Variants in MALRD1 observed in about 807,000 individuals in gnomAD.
The protein encoded by MALRD1 is MAM and LDL receptor class A domain containing 1, also known as MAM and LDL-receptor class A domain-containing protein 1.
A neutral mutation model predicts 242.1 loss-of-function variants in MALRD1; 247 were observed. The ratio of observed to expected loss-of-function variants is 1.02; its 90% CI spans 0.92 to 1.13. The LOEUF is 1.13. MALRD1 is among the 50% of genes most tolerant of loss of function. MALRD1 has a pLI of 0.00. For synonymous variants in MALRD1, 995 were observed against 866.6 expected (o/e 1.15, Z -2.60); for missense variants, 2,989 against 2,533.1 (o/e 1.18, Z -3.86).
intron 5 of MALRD1, among the ~76,000 whole-genome samples, chr10:19,113,544 A>C (rs1836757524): frequency 2.9e-5 from 4 of 139,522 alleles, no homozygotes; most frequent in East Asian, 4.2e-4. Flanking sequence ...CTCCTCCTAC[A>C]TTTCTCCTCC....
chr10:19,547,667 C>T (rs1294231271), intron 32 of MALRD1, among the ~76,000 whole-genome samples: 1 of 148,940 alleles, frequency 6.7e-6, no homozygotes, highest in African/African-American at 2.5e-5. Context: ...ATAAAATGTG[C>T]TCGGTGTTGG....
chr10:19,179,112 C>G (rs891537896), intron 14 of MALRD1, among the ~76,000 whole-genome samples: 2 of 152,290 alleles, frequency 1.3e-5, no homozygotes, highest in East Asian at 3.9e-4. Context: ...AAGGATGTAT[C>G]TAGCCAGTCA....
intron 14 of MALRD1, among the ~76,000 whole-genome samples, chr10:19,181,428 A>G (rs1459622641): frequency 6.6e-6 from 1 of 152,228 alleles, no homozygotes; most frequent in Non-Finnish European, 1.5e-5. Flanking sequence ...TCTGGAGGAA[A>G]TTATGCTATG....
chr10:19,356,843 T>G (rs1844657705), intron 26 of MALRD1, among the ~76,000 whole-genome samples: 1 of 152,112 alleles, frequency 6.6e-6, no homozygotes, highest in Non-Finnish European at 1.5e-5. Flanking sequence ...GCACGGTGGC[T>G]CACACCTGTA....
At chr10:19,712,058 G>A (rs1157263612) in intron 38 of MALRD1, among the ~76,000 whole-genome samples, 1 of 152,130 alleles carries the variant, frequency 6.6e-6, no homozygotes, top group Admixed American at 6.6e-5. Flanking sequence ...TATCTTGGAG[G>A]CCTGATGGTT....
At chr10:19,441,292 C>G (rs183855049) in intron 28 of MALRD1, among the ~76,000 whole-genome samples, 23 of 152,208 alleles carry the variant, frequency 1.5e-4, no homozygotes, top group Admixed American at 9.2e-4. Flanking sequence ...CTGTAGATTG[C>G]CTGTTCACTC....
At chr10:19,483,817 C>T (rs745319792) in intron 29 of MALRD1, among the ~76,000 whole-genome samples, 3 of 151,998 alleles carry the variant, frequency 2.0e-5, no homozygotes, top group East Asian at 1.9e-4. Flanking sequence ...AAAAAAGATG[C>T]ATGAATGCAT....
chr10:19,151,600 A>G (rs1286251124), intron 11 of MALRD1, among the ~76,000 whole-genome samples: 1 of 152,116 alleles, frequency 6.6e-6, no homozygotes, highest in African/African-American at 2.4e-5. Flanking sequence ...GACTTGTCTT[A>G]TTTCTCTCTC....
In MALRD1 at chr10:19,485,084, A is replaced by G. The variant is rs185860888; in HGVS notation, c.5030-6433A>G. ...GAAGTAACTCAGGAATGGAAAACCAAATACTGCATGTTCTCACTTAAAAGT... is the reference window on the plus strand; with the variant it reads ...GAAGTAACTCAGGAATGGAAAACCAGATACTGCATGTTCTCACTTAAAAGT... On this transcript the variant is annotated intron_variant, in intron 29 of 39. Coordinates refer to ENST00000454679, the MANE Select transcript of MALRD1 (RefSeq NM_001142308.3). Among the ~76,000 whole-genome samples, 536 of 152,346 alleles carry G rather than the reference A, an allele frequency of 3.5e-3. 3 individuals are homozygous for G. The highest frequency in any genetic ancestry group is 0.011 in the African/African-American group (453 of 41,578).
chr10:19,433,681 A>C (rs1057340360), intron 28 of MALRD1, among the ~76,000 whole-genome samples: 2 of 152,162 alleles, frequency 1.3e-5, no homozygotes, highest in African/African-American at 4.8e-5. Context: ...CATAGCAGAA[A>C]ATGATCATTT....
intron 7 of MALRD1, among the ~76,000 whole-genome samples, chr10:19,126,901 G>A (rs1276319502): frequency 6.6e-6 from 1 of 151,968 alleles, no homozygotes; most frequent in Non-Finnish European, 1.5e-5. Context: ...TTATCCCAAT[G>A]ATCTCCCTCC....
At chr10:19,338,874 C>T (rs577960456) in intron 24 of MALRD1, among the ~76,000 whole-genome samples, 22 of 147,128 alleles carry the variant, frequency 1.5e-4, no homozygotes, top group African/African-American at 3.3e-4. Context: ...TATATATATA[C>T]ACACACACAC....
intron 39 of MALRD1, among the ~76,000 whole-genome samples, chr10:19,732,886 T>G (rs1835352185): frequency 6.6e-6 from 1 of 152,164 alleles, no homozygotes; most frequent in Non-Finnish European, 1.5e-5. Context: ...TGAGAGCACC[T>G]CAGAAGTGAT....
intron 36 of MALRD1, among the ~76,000 whole-genome samples, chr10:19,623,245 T>C (rs921039057): frequency 6.6e-5 from 10 of 152,074 alleles, no homozygotes; most frequent in South Asian, 2.1e-4. Flanking sequence ...AAAATACTTA[T>C]GTTGCATGTA....
intron 19 of MALRD1, among the ~76,000 whole-genome samples, chr10:19,276,435 G>T (rs1438764465): frequency 6.6e-6 from 1 of 152,052 alleles, no homozygotes; most frequent in Non-Finnish European, 1.5e-5. Context: ...AAAGAAATTT[G>T]TTCCATATAT....
chr10:19,533,289 T>C (rs1203011842), intron 32 of MALRD1, among the ~76,000 whole-genome samples: 1 of 152,200 alleles, frequency 6.6e-6, no homozygotes, highest in Non-Finnish European at 1.5e-5. Flanking sequence ...TACCTGACTT[T>C]GGTGCTTACT....
intron 32 of MALRD1, among the ~76,000 whole-genome samples, chr10:19,554,116 A>T (rs1174862286): frequency 1.3e-5 from 2 of 152,190 alleles, no homozygotes; most frequent in Non-Finnish European, 2.9e-5. Flanking sequence ...ATCTTTAAGG[A>T]TTATGGAACA....
At chr10:19,615,171 C>T (rs954169563) in intron 35 of MALRD1, among the ~76,000 whole-genome samples, 5 of 151,942 alleles carry the variant, frequency 3.3e-5, no homozygotes, top group African/African-American at 1.2e-4. Flanking sequence ...TATACACTAT[C>T]TATATACATA....
At chr10:19,143,114 T>G (rs1389776972) in intron 10 of MALRD1, among the ~76,000 whole-genome samples, 1 of 152,220 alleles carries the variant, frequency 6.6e-6, no homozygotes, top group East Asian at 1.9e-4. Context: ...GATGGTGGTG[T>G]TTAGCATTCT....
Sources: allele counts gnomAD v4.1 joint callset (sites outside exome capture counted in the v4.1 genomes callset), GRCh38; gene constraint gnomAD v4.1.1; transcripts MANE v1.5; gene names NCBI Gene and HGNC (gene_info 2026-07-23, HGNC 2026-07-21).